Variants in BRMS1L observed in about 807,000 individuals in gnomAD.
The protein encoded by BRMS1L is breast cancer metastasis-suppressor 1-like protein.
Under a neutral mutation model 50.3 loss-of-function variants are expected in BRMS1L, and 23 were observed. That is an observed-to-expected ratio of 0.46 (90% confidence interval 0.33 to 0.65). The LOEUF is 0.65. BRMS1L is among the 30% of genes least tolerant of loss of function. The pLI, the probability that BRMS1L is intolerant of heterozygous loss-of-function variation, is 0.02. For missense variants in BRMS1L, 286 were observed against 386.1 expected (o/e 0.74, Z 2.17); for synonymous variants, 114 against 126.9 (o/e 0.90, Z 0.69).
chr14:35,856,865 C>T (rs2078287129), intron 4 of BRMS1L, among the ~76,000 whole-genome samples: 1 of 152,022 alleles, frequency 6.6e-6, no homozygotes, highest in African/African-American at 2.4e-5. Flanking sequence ...CCTACCGCCC[C>T]AGCCTGGCCT....
At chr14:35,846,065 T>C (rs2078129571) in intron 4 of BRMS1L, among the ~76,000 whole-genome samples, 1 of 152,174 alleles carries the variant, frequency 6.6e-6, no homozygotes, top group African/African-American at 2.4e-5. Context: ...AGGAACATTC[T>C]TTTACATAAC....
intron 2 of BRMS1L, among the ~76,000 whole-genome samples, chr14:35,832,375 C>G (rs929883292): frequency 5.0e-4 from 76 of 150,606 alleles, no homozygotes; most frequent in African/African-American, 1.8e-3. Flanking sequence ...AAAAATTAGC[C>G]GGGCGCCTGT....
At chr14:35,868,941 A>G (rs966935930) in intron 9 of BRMS1L, among the ~76,000 whole-genome samples, 2 of 152,204 alleles carry the variant, frequency 1.3e-5, no homozygotes, top group African/African-American at 4.8e-5. Context: ...ATTGTTAATC[A>G]TCTTTCATTC....
chr14:35,849,501 G>A (rs2078181185), intron 4 of BRMS1L, among the ~76,000 whole-genome samples: 1 of 151,738 alleles, frequency 6.6e-6, no homozygotes, highest in Admixed American at 6.6e-5. Context: ...GTCATGCTGT[G>A]TTGCCCAGGC....
intron 4 of BRMS1L, among the ~76,000 whole-genome samples, chr14:35,860,408 G>A (rs1392624645): frequency 1.3e-5 from 2 of 152,058 alleles, no homozygotes; most frequent in Non-Finnish European, 2.9e-5. Context: ...AAAGTGCTAG[G>A]ATTACAGGCA....
chr14:35,849,285 T>A (rs536391602), intron 4 of BRMS1L, among the ~76,000 whole-genome samples: 4 of 152,294 alleles, frequency 2.6e-5, no homozygotes, highest in Non-Finnish European at 4.4e-5. Context: ...TGTTATCTTT[T>A]GTCTTTTTGT....
chr14:35,832,815 G>A (rs1237756041), intron 2 of BRMS1L, among the ~76,000 whole-genome samples, 163 bp from the exon 3 acceptor site: 2 of 152,148 alleles, frequency 1.3e-5, no homozygotes, highest in African/African-American at 4.8e-5. Flanking sequence ...TGTGCATAAA[G>A]TCAAATAATG....
intron 4 of BRMS1L, among the ~76,000 whole-genome samples, chr14:35,853,658 C>G (rs2078243286): frequency 6.6e-6 from 1 of 152,112 alleles, no homozygotes; most frequent in African/African-American, 2.4e-5. Context: ...AGCTCCTGGG[C>G]TCAAGTGATC....
At chr14:35,842,131 G>A (rs1010704166) in intron 4 of BRMS1L, among the ~76,000 whole-genome samples, 1 of 151,466 alleles carries the variant, frequency 6.6e-6, no homozygotes, top group African/African-American at 2.4e-5. Flanking sequence ...TGACTATCCA[G>A]TTTGCCTGTC....
At chr14:35,864,461 G>A (rs376525503) in intron 6 of BRMS1L, among the ~76,000 whole-genome samples, 6 of 152,116 alleles carry the variant, frequency 3.9e-5, no homozygotes, top group East Asian at 1.9e-4. Context: ...GGGTTTTGCC[G>A]TGTTGCCCAG....
In BRMS1L at chr14:35,826,475, G is replaced by C. The variant is rs992988311; in HGVS notation, c.-42G>C. On this transcript the variant is annotated 5_prime_UTR_variant, in exon 1 of 10. Transcript: ENST00000216807. ...GCCCTTCATTGAAGCGGCGGTGGCCGGGCTGGGCGCCGGTAGTGGAAAGCG... is the reference window on the plus strand; with the variant it reads ...GCCCTTCATTGAAGCGGCGGTGGCCCGGCTGGGCGCCGGTAGTGGAAAGCG... The C allele has an allele frequency of 5.1e-6, 8 of 1,554,536 alleles. No homozygotes were observed. Among genetic ancestry groups the C allele is most frequent in the East Asian group, 2.4e-5 (1 of 41,860 alleles).
chr14:35,829,826 A>G, intron 1 of BRMS1L: 1 of 1,257,978 alleles, frequency 7.9e-7, no homozygotes, highest in Non-Finnish European at 1.0e-6. Flanking sequence ...ATCAAGATGC[A>G]GATCATTTTG....
chr14:35,838,736 ATTTG>A (rs1229292520), intron 4 of BRMS1L, among the ~76,000 whole-genome samples: 1 of 152,000 alleles, frequency 6.6e-6, no homozygotes, highest in African/African-American at 2.4e-5. Flanking sequence ...TTTCTTGTAA[ATTTG>A]TTTAAGTTGC....
intron 4 of BRMS1L, among the ~76,000 whole-genome samples, chr14:35,838,385 AC>A (rs1220538521): frequency 1.3e-5 from 2 of 152,314 alleles, no homozygotes; most frequent in Admixed American, 6.5e-5. Context: ...TTGGGTGTAT[AC>A]CCAGTATTGG....
chr14:35,846,453 G>A (rs1241794324), intron 4 of BRMS1L, among the ~76,000 whole-genome samples: 1 of 150,884 alleles, frequency 6.6e-6, no homozygotes, highest in South Asian at 2.1e-4. Flanking sequence ...ACTGCATTTA[G>A]TTTTCATGTC....
rs111447090 is a variant in BRMS1L at position 35,870,667 on chromosome 14, G to A, written c.*190G>A. On this transcript the variant is annotated 3_prime_UTR_variant, in exon 10 of 10. Coordinates refer to ENST00000216807, the MANE Select transcript of BRMS1L (RefSeq NM_032352.4). The stretch of plus-strand genomic sequence containing the variant: ...GAAACAGTAATAAAAATTTTATCAC[G>A]ATCCTTACGTTGATTTGCCTCTTAG... 3.7e-5 allele frequency: 13 copies of A among 347,840 alleles called. No homozygotes were observed. Among genetic ancestry groups the A allele is most frequent in the Admixed American group, 3.3e-4 (7 of 20,950 alleles). The allele number at this position is 347,840 out of a possible 1,614,324, so 21.5% of individuals were successfully genotyped here.
chr14:35,828,630 C>T (rs1395959358), intron 1 of BRMS1L, among the ~76,000 whole-genome samples: 2 of 152,042 alleles, frequency 1.3e-5, no homozygotes, highest in Non-Finnish European at 1.5e-5. Flanking sequence ...TGCGCCGCCA[C>T]GCTCAGATAA....
chr14:35,869,636 G>A (rs1221872819), intron 9 of BRMS1L, among the ~76,000 whole-genome samples: 4 of 151,888 alleles, frequency 2.6e-5, no homozygotes, highest in Non-Finnish European at 4.4e-5. Flanking sequence ...TCACAAGGTC[G>A]GGAGTTCAAG....
chr14:35,867,489 G>A (rs1355961181), intron 8 of BRMS1L, among the ~76,000 whole-genome samples: 2 of 152,158 alleles, frequency 1.3e-5, no homozygotes, highest in African/African-American at 2.4e-5. Context: ...TAAAAGCCTG[G>A]GGAATGCTTG....
Sources: allele counts gnomAD v4.1 joint callset (sites outside exome capture counted in the v4.1 genomes callset), GRCh38; gene constraint gnomAD v4.1.1; transcripts MANE v1.5; gene names NCBI Gene and HGNC (gene_info 2026-07-23, HGNC 2026-07-21).